Variants in LRP1B observed in about 807,000 individuals in gnomAD.
LRP1B encodes the protein low-density lipoprotein receptor-related protein 1B.
A neutral mutation model predicts 556.6 loss-of-function variants in LRP1B; 217 were observed. The observed-to-expected ratio is 0.39, with a 90% CI of 0.35 to 0.44. The LOEUF (loss-of-function observed/expected upper bound fraction) is 0.44, where lower values mean the gene tolerates loss of function less well. LRP1B is among the 20% of genes least tolerant of loss of function. LRP1B has a pLI of 1.00. For missense variants in LRP1B, 5,053 were observed against 5,620.8 expected, an observed-to-expected ratio of 0.90 and a Z score of 3.23; for synonymous variants, 2,047 against 1,865.8, an observed-to-expected ratio of 1.10 and a Z score of -2.50.
At chr2:140,653,810 A>T (rs1684773042) in intron 41 of LRP1B, among the ~76,000 whole-genome samples, 1 of 151,910 alleles carries the variant, frequency 6.6e-6, no homozygotes, top group African/African-American at 2.4e-5. Context: ...GGATCACCTG[A>T]GGTCAGAAGT....
At chr2:141,615,509 G>T (rs1388027007) in intron 2 of LRP1B, among the ~76,000 whole-genome samples, 1 of 152,064 alleles carries the variant, frequency 6.6e-6, no homozygotes, top group African/African-American at 2.4e-5. Flanking sequence ...CCTACATTTA[G>T]CCCACCAATT....
chr2:142,031,301 A>T lies in LRP1B; in HGVS notation c.82+99347T>A, dbSNP rs536440152. 1.7e-4 allele frequency among the ~76,000 whole-genome samples: 25 copies of T among 148,980 alleles called. No homozygotes were observed. In the South Asian group the frequency reaches 4.9e-3, roughly 29 times the overall value. On this transcript the variant is annotated intron_variant, in intron 1 of 90. Transcript: ENST00000389484. Reference sequence around the variant, plus strand: ...AACTCAATATATCTGGTAAAAACAGATATATTTAGAGAAAGGTTGATTATA... The same window carrying T: ...AACTCAATATATCTGGTAAAAACAGTTATATTTAGAGAAAGGTTGATTATA...
chr2:141,448,209 A>C (rs1247613303), intron 3 of LRP1B, among the ~76,000 whole-genome samples: 1 of 152,082 alleles, frequency 6.6e-6, no homozygotes, highest in Non-Finnish European at 1.5e-5. Context: ...GACTTTGTTT[A>C]CACTGTGAGG....
intron 2 of LRP1B, among the ~76,000 whole-genome samples, chr2:141,595,861 TTAAC>T (rs1687495999): frequency 6.6e-6 from 1 of 152,156 alleles, no homozygotes; most frequent in South Asian, 2.1e-4. Flanking sequence ...ACTTGAAAAT[TTAAC>T]TAGTCGCTGA....
intron 80 of LRP1B, among the ~76,000 whole-genome samples, chr2:140,324,763 AGT>A (rs1680370158): frequency 6.6e-6 from 1 of 151,970 alleles, no homozygotes; most frequent in Admixed American, 6.6e-5. Flanking sequence ...TAAAGTATAA[AGT>A]GTCTTTATAT....
intron 1 of LRP1B, among the ~76,000 whole-genome samples, chr2:142,117,703 T>A (rs558859742): frequency 7.2e-4 from 110 of 152,244 alleles, no homozygotes; most frequent in African/African-American, 2.6e-3. Flanking sequence ...AAACTTAGGA[T>A]ATTTTCCATA....
At chr2:141,327,840 T>C (rs1209913828) in intron 3 of LRP1B, among the ~76,000 whole-genome samples, 4 of 151,086 alleles carry the variant, frequency 2.6e-5, no homozygotes, top group African/African-American at 9.8e-5. Context: ...GATGGAGCGA[T>C]TGAAAGACAG....
In LRP1B at chr2:141,752,888, G is replaced by C. The variant is rs1191199043; in HGVS notation, c.205+57391C>G. Among the ~76,000 whole-genome samples, 4 of 128,598 alleles carry C rather than the reference G, an allele frequency of 3.1e-5. No individual in the cohort carries two copies. The East Asian group carries it at 9.8e-4, about 31-fold the overall frequency. The allele number at this position is 128,598 out of a possible 152,430, so 84.4% of individuals were successfully genotyped here. On this transcript the variant is annotated intron_variant, in intron 2 of 90. Transcript: ENST00000389484. ...GAGCCCGGGAGGTTGAGCCTACAATGAGTCGTGATCATGCCACTGAACTCC... is the reference window on the plus strand; with the variant it reads ...GAGCCCGGGAGGTTGAGCCTACAATCAGTCGTGATCATGCCACTGAACTCC...
chr2:141,374,599 C>T lies in LRP1B; in HGVS notation c.343+105797G>A, dbSNP rs72983141. Reference sequence around the variant, plus strand: ...TCCTTTTTTCCTTATTTTTATCTGACGGATTATTTAAAAGGACACATCTTC... The same window carrying T: ...TCCTTTTTTCCTTATTTTTATCTGATGGATTATTTAAAAGGACACATCTTC... On this transcript the variant is annotated intron_variant, in intron 3 of 90. Coordinates refer to ENST00000389484, the MANE Select transcript of LRP1B (RefSeq NM_018557.3). Among the ~76,000 whole-genome samples, 1,425 of 151,968 alleles carry T rather than the reference C, an allele frequency of 9.4e-3. 17 individuals carry two copies. Among genetic ancestry groups the T allele is most frequent in the African/African-American group, 0.031 (1,304 of 41,448 alleles).
chr2:140,263,795 G>A (rs936365390), intron 86 of LRP1B, among the ~76,000 whole-genome samples: 1 of 115,212 alleles, frequency 8.7e-6, no homozygotes, highest in Non-Finnish European at 1.7e-5. Context: ...TCTCTTCAAA[G>A]TAATTGAGGC....
At chr2:140,679,066 C>G (rs116674762) in intron 41 of LRP1B, among the ~76,000 whole-genome samples, 2 of 152,086 alleles carry the variant, frequency 1.3e-5, no homozygotes, top group Middle Eastern at 3.2e-3. Flanking sequence ...CATGAGCCAC[C>G]ACGCCCGGCC....
At position 142,130,947 on chromosome 2, in the gene LRP1B, A is replaced by G; in HGVS notation, c.-218T>C. 1 of 598,132 alleles carries G rather than the reference A, an allele frequency of 1.7e-6. No homozygotes were observed. Among genetic ancestry groups the G allele is most frequent in the East Asian group, 2.8e-5 (1 of 35,160 alleles). The allele number at this position is 598,132 out of a possible 1,614,324, so 37.1% of individuals were successfully genotyped here. Reference sequence around the variant, plus strand: ...GGAGGGATGCGCGCGTGCGGGAGAGAGGAGGCAGAGCGTGTGTGAGCGCGA... The same window carrying G: ...GGAGGGATGCGCGCGTGCGGGAGAGGGGAGGCAGAGCGTGTGTGAGCGCGA... On this transcript the variant is annotated 5_prime_UTR_variant, in exon 1 of 91. Coordinates refer to ENST00000389484, the MANE Select transcript of LRP1B (RefSeq NM_018557.3).
chr2:141,257,209 GA>G (rs1684500442), intron 3 of LRP1B, among the ~76,000 whole-genome samples: 1 of 152,084 alleles, frequency 6.6e-6, no homozygotes, highest in Non-Finnish European at 1.5e-5. Flanking sequence ...AGACAAAGGT[GA>G]ATGTAATTAG....
chr2:141,358,043 A>C (rs1484776154), intron 3 of LRP1B, among the ~76,000 whole-genome samples: 1 of 152,214 alleles, frequency 6.6e-6, no homozygotes, highest in Non-Finnish European at 1.5e-5. Flanking sequence ...TCTCCTATTC[A>C]GAATGTATTG....
intron 44 of LRP1B, among the ~76,000 whole-genome samples, chr2:140,541,551 T>C (rs1256709198): frequency 6.6e-6 from 1 of 152,112 alleles, no homozygotes; most frequent in Admixed American, 6.6e-5. Flanking sequence ...AATTATGCAA[T>C]ATAGAAGTTG....
At chr2:140,688,246 T>C (rs1290803810) in intron 41 of LRP1B, among the ~76,000 whole-genome samples, 1 of 152,192 alleles carries the variant, frequency 6.6e-6, no homozygotes, top group African/African-American at 2.4e-5. Context: ...GAGCTACACA[T>C]GTAAACACTT....
intron 3 of LRP1B, among the ~76,000 whole-genome samples, chr2:141,303,416 T>A (rs578238257): frequency 6.6e-6 from 1 of 152,268 alleles, no homozygotes; most frequent in East Asian, 1.9e-4. Flanking sequence ...AGTCAATGTC[T>A]CTTCATGGTA....
intron 22 of LRP1B, among the ~76,000 whole-genome samples, chr2:140,906,393 G>GT (rs1042373852): frequency 2.6e-5 from 4 of 152,012 alleles, no homozygotes; most frequent in African/African-American, 9.7e-5. Flanking sequence ...AAATGAGGTT[G>GT]TTTTTTCTTA....
At chr2:141,452,648 C>T (rs1292809792) in intron 3 of LRP1B, among the ~76,000 whole-genome samples, 1 of 152,162 alleles carries the variant, frequency 6.6e-6, no homozygotes. Flanking sequence ...AAAGAAGTTT[C>T]CCAGGTACCT....
Sources: allele counts gnomAD v4.1 joint callset (sites outside exome capture counted in the v4.1 genomes callset), GRCh38; gene constraint gnomAD v4.1.1; transcripts MANE v1.5; gene names NCBI Gene and HGNC (gene_info 2026-07-23, HGNC 2026-07-21).